TSPOAP1: variants seen among roughly 807,000 people sequenced by gnomAD.
TSPOAP1 encodes TSPO associated protein 1.
In TSPOAP1, 87 loss-of-function variants were observed where a neutral mutation model predicts 197.0. That is an observed-to-expected ratio of 0.44 (90% CI 0.37 to 0.53). The LOEUF (loss-of-function observed/expected upper bound fraction) is 0.53. TSPOAP1 is among the 20% of genes least tolerant of loss of function. The pLI, the probability that TSPOAP1 is intolerant of heterozygous loss-of-function variation, is 0.00. For synonymous variants in TSPOAP1, 913 were observed against 998.9 expected (o/e 0.91, Z 1.62); for missense variants, 2,174 against 2,411.3 (o/e 0.90, Z 2.06).
At position 58,326,299 on chromosome 17, in the gene TSPOAP1, C is replaced by A. The variant is rs1315547209; in HGVS notation, c.564G>T (p.Leu188=). 2 of 1,613,960 alleles carry A rather than the reference C, an allele frequency of 1.2e-6. No homozygotes were observed. The highest frequency in any genetic ancestry group is 1.7e-6 in the Non-Finnish European group (2 of 1,179,982). Residue 188 remains leucine (L), a synonymous_variant, in exon 3 of 32, where the codon CTG becomes CTT. Coordinates refer to ENST00000343736, the MANE Select transcript of TSPOAP1 (RefSeq NM_004758.4). The surrounding 1 kb of genome is among the most constrained non-coding windows in gnomAD (Gnocchi z 4.7). ...ERARKLQETN[L]RVVSAPLPRP... ...AGCAGCCTCCTTTCCTCACCACCCTCAGGTTCGTTTCCTGCAGCTTTCGGG... is the reference window on the plus strand; with the variant it reads ...AGCAGCCTCCTTTCCTCACCACCCTAAGGTTCGTTTCCTGCAGCTTTCGGG...
Position 58,326,427 on chromosome 17 carries a change from A to G in TSPOAP1, c.442-6T>C. 2 of 1,613,376 alleles carry G rather than the reference A, an allele frequency of 1.2e-6. No homozygotes were observed. The highest frequency in any genetic ancestry group is 1.1e-5 in the South Asian group (1 of 91,084). On this transcript the variant is annotated splice_polypyrimidine_tract_variant and splice_region_variant and intron_variant, in intron 2 of 31. Coordinates refer to ENST00000343736, the MANE Select transcript of TSPOAP1 (RefSeq NM_004758.4). The surrounding 1 kb of genome is among the most constrained non-coding windows in gnomAD (Gnocchi z 4.7). ...TCAGGGAAGCTGCTCTTCCTCTGAC[A>G]AGGGGTCAGGCAGAATTGGGGCATG...
chr17:58,322,722 T>G lies in TSPOAP1; in HGVS notation c.1249A>C (p.Arg417=), dbSNP rs1360644191. ...RGQLLGVTQE[R]DSALRKSQGL... The stretch of plus-strand genomic sequence containing the variant: ...TGGCTCTTGCGAAGGGCTGAGTCCC[T>G]CTCCTGTGTCACCCCCAGGAGCTGG... Residue 417 remains arginine, a synonymous_variant, in exon 9 of 32, where the codon AGG becomes CGG. Transcript: ENST00000343736. This position sits in a 1 kb window ranked among gnomAD's most constrained non-coding sequence, Gnocchi z 5.0. 6.2e-7 allele frequency: 1 copy of G among 1,612,648 alleles called. No homozygotes were observed. The highest frequency in any genetic ancestry group is 8.5e-7 in the Non-Finnish European group (1 of 1,179,996).
chr17:58,327,239 C>T (rs928096957), intron 1 of TSPOAP1, among the ~76,000 whole-genome samples: 2 of 152,124 alleles, frequency 1.3e-5, no homozygotes, highest in African/African-American at 4.8e-5. Flanking sequence ...CCTCCACACT[C>T]CCCCTGTATC....
At chr17:58,316,187 T>G (rs2072143) in intron 15 of TSPOAP1, 55 bp from the exon 16 acceptor site, 1 of 1,384,720 alleles carries the variant, frequency 7.2e-7, no homozygotes, top group Non-Finnish European at 1.0e-6. Context: ...TCCACTTCCA[T>G]GTCCTGTCTT....
chr17:58,317,063 G>C (rs1296724118), intron 14 of TSPOAP1, among the ~76,000 whole-genome samples: 2 of 152,174 alleles, frequency 1.3e-5, no homozygotes, highest in Admixed American at 6.5e-5. Context: ...GGGTGTGGTG[G>C]TGCATGCCTG....
At position 58,319,103 on chromosome 17, in the gene TSPOAP1, C is replaced by G. The variant is rs760761465; in HGVS notation, c.1686G>C (p.Gly562=). Residue 562 remains glycine, a synonymous_variant, in exon 13 of 32, where the codon GGG becomes GGC. Coordinates refer to ENST00000343736, the MANE Select transcript of TSPOAP1 (RefSeq NM_004758.4). ...CCCSIPQPCR[G]SGPKDLDLPP... ...GGTCCACCTTACCTTTGGGGCCAGACCCCCGGCAAGGCTGGGGAATGGAGC... is the reference window on the plus strand; with the variant it reads ...GGTCCACCTTACCTTTGGGGCCAGAGCCCCGGCAAGGCTGGGGAATGGAGC... 3.9e-6 allele frequency: 6 copies of G among 1,535,674 alleles called. No homozygotes were observed. In the African/African-American group the frequency reaches 8.3e-5, roughly 21 times the overall value.
chr17:58,304,216 C>T lies in TSPOAP1; in HGVS notation c.*32+122G>A, dbSNP rs897109554. The T allele has an allele frequency of 2.7e-5, 21 of 785,728 alleles. 1 individual carries two copies. In the South Asian group the frequency reaches 3.6e-4, roughly 14 times the overall value. 48.7% of individuals were successfully genotyped at this position (785,728 alleles called of 1,614,324 possible). On this transcript the variant is annotated intron_variant, in intron 31 of 31. Coordinates refer to ENST00000343736, the MANE Select transcript of TSPOAP1 (RefSeq NM_004758.4). The surrounding 1 kb of genome is among the most constrained non-coding windows in gnomAD (Gnocchi z 4.2). ...ATCTGGCTCATGGCAAGCTCTCCTT[C>T]GCCATTCCCTGGACTACAGTGGGAA...
intron 4 of TSPOAP1, 29 bp downstream of exon 4, chr17:58,325,505 T>C: frequency 6.2e-7 from 1 of 1,610,786 alleles, no homozygotes; most frequent in Middle Eastern, 2.2e-4. Flanking sequence ...AGGGCTGAGC[T>C]GGAAGAGGTG....
Position 58,324,765 on chromosome 17 carries a change from A to T in TSPOAP1, c.942+46T>A. 3.0e-6 allele frequency: 4 copies of T among 1,326,034 alleles called. No homozygotes were observed. Among genetic ancestry groups the T allele is most frequent in the South Asian group, 1.7e-5 (1 of 57,420 alleles). 82.1% of individuals were successfully genotyped at this position (1,326,034 alleles called of 1,614,324 possible). A position where few individuals can be genotyped will look rare whatever the true frequency, so the allele number is the denominator to read the frequency against. On this transcript the variant is annotated intron_variant, in intron 5 of 31. Coordinates refer to ENST00000343736, the MANE Select transcript of TSPOAP1 (RefSeq NM_004758.4). The surrounding 1 kb of genome is among the most constrained non-coding windows in gnomAD (Gnocchi z 5.8). ...GGAGATCCCGGTGGTCGTTCCCCCC[A>T]CCCATCTGCACGCACCCACACACCT...
chr17:58,314,999 T>C (rs188970176), intron 16 of TSPOAP1, among the ~76,000 whole-genome samples: 1 of 152,280 alleles, frequency 6.6e-6, no homozygotes, highest in Non-Finnish European at 1.5e-5. Context: ...TCATTTGTGG[T>C]TAGTTAATAC....
rs143826973 is a variant in TSPOAP1 at position 58,312,813 on chromosome 17, C to T, written c.2099-91G>A. On this transcript the variant is annotated intron_variant, in intron 16 of 31. Transcript: ENST00000343736. ...TATAATAAATGCATTTTAGCAACTG[C>T]TAGTGGGTGATCTTCAGCATTTGAT... is the stretch of plus-strand genomic sequence containing the variant. 4.5e-4 allele frequency: 417 copies of T among 930,388 alleles called. No homozygotes were observed. In the African/African-American group the frequency reaches 6.2e-3, roughly 14 times the overall value. The allele number at this position is 930,388 out of a possible 1,614,324, so 57.6% of individuals were successfully genotyped here.
chr17:58,305,322 C>T (rs1396647685), intron 29 of TSPOAP1, 65 bp downstream of exon 29: 4 of 1,585,774 alleles, frequency 2.5e-6, no homozygotes, highest in Non-Finnish European at 3.5e-6. Flanking sequence ...GGGTTCCTTG[C>T]CTATCCCCCT....
chr17:58,321,165 T>C (rs1971394276), intron 10 of TSPOAP1, among the ~76,000 whole-genome samples: 1 of 152,140 alleles, frequency 6.6e-6, no homozygotes, highest in South Asian at 2.1e-4. Context: ...CGGGATGACC[T>C]ACCTCTCAGA....
intron 7 of TSPOAP1, 83 bp downstream of exon 7, chr17:58,323,215 G>A: frequency 6.5e-7 from 1 of 1,534,272 alleles, no homozygotes; most frequent in Non-Finnish European, 9.0e-7. Context: ...GCAGGGGTGG[G>A]AGCAGAGCTG....
chr17:58,323,173 G>C, intron 7 of TSPOAP1, 125 bp downstream of exon 7: 2 of 1,462,496 alleles, frequency 1.4e-6, no homozygotes, highest in South Asian at 2.3e-5. Context: ...GGAAAGGAAA[G>C]GAGCAGGAGG....
chr17:58,322,899 G>C lies in TSPOAP1; in HGVS notation c.1194+51C>G. On this transcript the variant is annotated intron_variant, in intron 8 of 31. Transcript: ENST00000343736. The surrounding 1 kb of genome is among the most constrained non-coding windows in gnomAD (Gnocchi z 5.0). Reference sequence around the variant, plus strand: ...GGAGAAAGCCCCTTGGCTGGGGACCGGGGCAGTGGTGGGAGCACAGGTCTC... The same window carrying C: ...GGAGAAAGCCCCTTGGCTGGGGACCCGGGCAGTGGTGGGAGCACAGGTCTC... The C allele has an allele frequency of 1.9e-6, 3 of 1,602,388 alleles. No homozygotes were observed. Among genetic ancestry groups the C allele is most frequent in the Non-Finnish European group, 2.6e-6 (3 of 1,173,388 alleles).
intron 27 of TSPOAP1, 82 bp from the exon 28 acceptor site, chr17:58,305,725 AC>A: frequency 1.4e-6 from 2 of 1,471,528 alleles, no homozygotes; most frequent in Non-Finnish European, 9.4e-7. Flanking sequence ...ACCCCTGCTG[AC>A]CCCCTGTCAC....
chr17:58,305,970 G>A, intron 26 of TSPOAP1, 105 bp from the exon 27 acceptor site: 4 of 1,343,298 alleles, frequency 3.0e-6, no homozygotes, highest in African/African-American at 1.5e-5. Context: ...AGGCAGGCAA[G>A]GAAGGCTGCC....
At position 58,308,734 on chromosome 17, in the gene TSPOAP1, C is replaced by T. The variant is rs1360023474; in HGVS notation, c.4538G>A (p.Gly1513Asp). Residue 1513 changes from glycine (G) to aspartate (D), a missense_variant, in exon 22 of 32, where the codon GGC (glycine) becomes GAC (aspartate). Physicochemically the swap from Gly to Asp is moderately conservative, Grantham distance 94. Coordinates refer to ENST00000343736, the MANE Select transcript of TSPOAP1 (RefSeq NM_004758.4). ...SEDEQEAGSG[G>D]ISITSSCYPG... is the part of the protein sequence containing the mutation. Reference sequence around the variant, plus strand: ...GTAGCAGGAGCTGGTGATGCTGATGCCCCCGCTGCCCGCCTCCTGCTCATC... The same window carrying T: ...GTAGCAGGAGCTGGTGATGCTGATGTCCCCGCTGCCCGCCTCCTGCTCATC... 2 of 1,612,998 alleles carry T rather than the reference C, an allele frequency of 1.2e-6. No homozygotes were observed. Among genetic ancestry groups the T allele is most frequent in the Non-Finnish European group, 1.7e-6 (2 of 1,179,986 alleles).
Sources: gnomAD v4.1 joint callset for allele counts (sites outside exome capture counted in the v4.1 genomes callset) on GRCh38, gnomAD v4.1.1 for gene constraint, Gnocchi (gnomAD v3.1) non-coding constraint, MANE v1.5 for transcripts, NCBI Gene and HGNC (gene_info 2026-07-23, HGNC 2026-07-21) for gene names.